The following PRRX1 variants were observed in gnomAD, a reference collection of about 807,000 sequenced individuals.
PRRX1 encodes the protein paired related homeobox 1.
Under a neutral mutation model 24.0 loss-of-function variants are expected in PRRX1, and 8 were observed. The observed-to-expected ratio is 0.33, with a 90% CI of 0.20 to 0.60. The LOEUF is 0.60. Among genes scored for constraint, PRRX1 ranks in the 20% least tolerant of loss-of-function variants. The pLI is 0.82. For synonymous variants in PRRX1, 160 were observed against 131.7 expected (o/e 1.22, Z -1.47); for missense variants, 281 against 322.4 (o/e 0.87, Z 0.98).
At chr1:170,700,447 T>C (rs1255896414) in intron 1 of PRRX1, among the ~76,000 whole-genome samples, 1 of 152,126 alleles carries the variant, frequency 6.6e-6, no homozygotes, top group Non-Finnish European at 1.5e-5. Flanking sequence ...GCTTTACTTA[T>C]CTAGTAATTT....
At chr1:170,725,376 C>T (rs1655224287) in intron 2 of PRRX1, among the ~76,000 whole-genome samples, 3 of 152,102 alleles carry the variant, frequency 2.0e-5, no homozygotes, top group African/African-American at 7.2e-5. Flanking sequence ...CCCTTGAACC[C>T]TACAATTAGG....
intron 1 of PRRX1, among the ~76,000 whole-genome samples, chr1:170,717,330 A>G (rs1444950340): frequency 6.6e-6 from 1 of 152,244 alleles, no homozygotes; most frequent in Non-Finnish European, 1.5e-5. Flanking sequence ...GGAATATTTC[A>G]AAGAACTACT....
chr1:170,717,807 T>C (rs1654955896), intron 1 of PRRX1, among the ~76,000 whole-genome samples: 1 of 152,340 alleles, frequency 6.6e-6, no homozygotes, highest in African/African-American at 2.4e-5. Flanking sequence ...AGGTATTTAA[T>C]CCTAGGTGTT....
chr1:170,730,201 G>T (rs1655384723), intron 3 of PRRX1: 1 of 1,241,596 alleles, frequency 8.1e-7, no homozygotes, highest in South Asian at 1.2e-5. Context: ...CCCCTCATTT[G>T]ATCGTGGTCA....
In PRRX1 at chr1:170,738,623, T is replaced by G; in HGVS notation, c.*2437T>G. On this transcript the variant is annotated 3_prime_UTR_variant, in exon 4 of 4. Coordinates refer to ENST00000239461, the MANE Select transcript of PRRX1 (RefSeq NM_022716.4). ...TATAATCCAAGTAACTGGTGAACTTTGGAGGTTTGGAGCTTGAAGAGAATG... is the reference window on the plus strand; with the variant it reads ...TATAATCCAAGTAACTGGTGAACTTGGGAGGTTTGGAGCTTGAAGAGAATG... 1 of 229,132 alleles carries G rather than the reference T, an allele frequency of 4.4e-6. No individual in the cohort carries two copies. The highest frequency in any genetic ancestry group is 8.7e-6 in the Non-Finnish European group (1 of 115,470). The allele number at this position is 229,132 out of a possible 1,614,324, so 14.2% of individuals were successfully genotyped here.
At chr1:170,722,000 A>G (rs1438248048) in intron 2 of PRRX1, among the ~76,000 whole-genome samples, 2 of 152,172 alleles carry the variant, frequency 1.3e-5, no homozygotes, top group Middle Eastern at 3.4e-3. Context: ...TGAAAGACCA[A>G]TTTTGGGGTT....
In PRRX1 at chr1:170,730,104, G is replaced by T. The variant is rs147497131; in HGVS notation, c.599+3703G>T. On this transcript the variant is annotated intron_variant, in intron 3 of 3. Coordinates refer to ENST00000239461, the MANE Select transcript of PRRX1 (RefSeq NM_022716.4). ...TTTACCTGAAGTGCCATTTCCAGAG[G>T]GAGGGCTGGGCTTAAAAGAAAGCTA... 105 of 716,036 alleles carry T rather than the reference G, an allele frequency of 1.5e-4. No individual in the cohort carries two copies. The African/African-American group carries it at 1.5e-3, about 10-fold the overall frequency. 44.4% of individuals were successfully genotyped at this position (716,036 alleles called of 1,614,324 possible). A position where few individuals can be genotyped will look rare whatever the true frequency, so the allele number is the denominator to read the frequency against.
intron 1 of PRRX1, among the ~76,000 whole-genome samples, chr1:170,706,192 T>C (rs1654561341): frequency 6.6e-6 from 1 of 152,204 alleles, no homozygotes; most frequent in Non-Finnish European, 1.5e-5. Context: ...TAGTGTTATT[T>C]AAAAATAGTC....
At chr1:170,678,679 G>T in intron 1 of PRRX1, among the ~76,000 whole-genome samples, 1 of 152,202 alleles carries the variant, frequency 6.6e-6, no homozygotes, top group East Asian at 1.9e-4. Flanking sequence ...TGGAGCACAT[G>T]AAGCCCTTCC....
At chr1:170,684,845 A>AT (rs1297428440) in intron 1 of PRRX1, among the ~76,000 whole-genome samples, 2 of 152,130 alleles carry the variant, frequency 1.3e-5, no homozygotes, top group Admixed American at 6.5e-5. Flanking sequence ...TCACTATCTC[A>AT]TTTTTCTCAG....
chr1:170,723,851 G>A (rs1296507142), intron 2 of PRRX1, among the ~76,000 whole-genome samples: 1 of 152,190 alleles, frequency 6.6e-6, no homozygotes, highest in Admixed American at 6.5e-5. Flanking sequence ...GTAGGCGATT[G>A]TAATACCATG....
chr1:170,693,294 A>G (rs1409633982), intron 1 of PRRX1, among the ~76,000 whole-genome samples: 1 of 152,114 alleles, frequency 6.6e-6, no homozygotes, highest in Non-Finnish European at 1.5e-5. Flanking sequence ...TAAATATACT[A>G]TAAAGAGTGG....
intron 1 of PRRX1, among the ~76,000 whole-genome samples, chr1:170,678,172 A>T (rs2101889694): frequency 6.6e-6 from 1 of 152,340 alleles, no homozygotes; most frequent in East Asian, 1.9e-4. Context: ...TGAGTAAGAT[A>T]CACATTCTGT....
chr1:170,705,935 TACACAC>T lies in PRRX1; in HGVS notation c.242-13763_242-13758del, dbSNP rs71125270. Among the ~76,000 whole-genome samples the T allele has an allele frequency of 7.0e-3, 1,027 of 146,452 alleles. 5 individuals carry two copies. The highest frequency in any genetic ancestry group is 0.02 in the African/African-American group (814 of 40,086). On this transcript the variant is annotated intron_variant, in intron 1 of 3. Transcript: ENST00000239461. ...CCACATAGACACACACACACACACA[TACACAC>T]ACACACACACACACACACACACACA...
intron 1 of PRRX1, among the ~76,000 whole-genome samples, chr1:170,683,149 T>C (rs1196214298): frequency 1.3e-5 from 2 of 152,204 alleles, no homozygotes; most frequent in African/African-American, 2.4e-5. Context: ...CGGAGAGTTT[T>C]GTAATGTGAT....
chr1:170,699,893 G>A (rs773172903), intron 1 of PRRX1, among the ~76,000 whole-genome samples: 8 of 151,942 alleles, frequency 5.3e-5, no homozygotes, highest in Admixed American at 3.3e-4. Flanking sequence ...CTGCCACCAC[G>A]CTCGGGTAAT....
chr1:170,669,905 G>C (rs1401396201), intron 1 of PRRX1, among the ~76,000 whole-genome samples: 1 of 152,216 alleles, frequency 6.6e-6, no homozygotes, highest in Non-Finnish European at 1.5e-5. Flanking sequence ...TAGAGAAGGA[G>C]ATAAGGATTG....
chr1:170,693,192 T>C (rs560326960), intron 1 of PRRX1, among the ~76,000 whole-genome samples: 1 of 152,196 alleles, frequency 6.6e-6, no homozygotes, highest in South Asian at 2.1e-4. Flanking sequence ...TACTACTAAT[T>C]ACAGGGCTCT....
rs2101932250 is a variant in PRRX1 at position 170,739,002 on chromosome 1, CATTT to C, written c.*2820_*2823del. On this transcript the variant is annotated 3_prime_UTR_variant, in exon 4 of 4. Transcript: ENST00000239461. ...TGTTGTACAAGCTCTCAATTTTGTT[CATTT>C]ATTATCAAATTTTTAAAATACAAGT... The C allele has an allele frequency of 4.5e-6, 1 of 222,482 alleles. No individual in the cohort carries two copies. Among genetic ancestry groups the C allele is most frequent in the Admixed American group, 5.7e-5 (1 of 17,442 alleles). 13.8% of individuals were successfully genotyped at this position (222,482 alleles called of 1,614,324 possible).
Sources: gnomAD v4.1 joint callset for allele counts (sites outside exome capture counted in the v4.1 genomes callset) on GRCh38, gnomAD v4.1.1 for gene constraint, MANE v1.5 for transcripts, NCBI Gene and HGNC (gene_info 2026-07-23, HGNC 2026-07-21) for gene names.